The following KLHL32 variants were observed in gnomAD, a reference collection of about 807,000 sequenced individuals.
The protein encoded by KLHL32 is kelch like family member 32.
KLHL32 carries 35 observed loss-of-function variants against 64.8 expected under a neutral mutation model. The ratio of observed to expected loss-of-function variants is 0.54; its 90% CI spans 0.41 to 0.72. KLHL32 has a LOEUF of 0.72. KLHL32 is among the 30% of genes least tolerant of loss of function. The pLI, the probability that KLHL32 is intolerant of heterozygous loss-of-function variation, is 0.00. For missense variants in KLHL32, 589 were observed against 768.5 expected, an observed-to-expected ratio of 0.77 and a Z score of 2.76; for synonymous variants, 259 against 281.0, an observed-to-expected ratio of 0.92 and a Z score of 0.78.
At chr6:96,927,837 A>G (rs1769351141) in intron 1 of KLHL32, among the ~76,000 whole-genome samples, 1 of 152,210 alleles carries the variant, frequency 6.6e-6, no homozygotes, top group East Asian at 1.9e-4. Flanking sequence ...TCTGCCCTCA[A>G]TGATTCAGAG....
chr6:97,103,429 G>A lies in KLHL32; in HGVS notation c.628-10354G>A, dbSNP rs1796001947. On this transcript the variant is annotated intron_variant, in intron 6 of 10. Transcript: ENST00000369261. ...GGGGTTTCACCATGTTAGCCAGGATGGTCTCGATCTCCTGACCTTGTGATC... is the reference window on the plus strand; with the variant it reads ...GGGGTTTCACCATGTTAGCCAGGATAGTCTCGATCTCCTGACCTTGTGATC... 2.6e-5 allele frequency among the ~76,000 whole-genome samples: 4 copies of A among 152,054 alleles called. No homozygotes were observed. In the South Asian group the frequency reaches 8.3e-4, roughly 32 times the overall value.
At chr6:97,061,729 T>TGTG (rs1174233966) in intron 4 of KLHL32, among the ~76,000 whole-genome samples, 4 of 152,210 alleles carry the variant, frequency 2.6e-5, no homozygotes, top group Non-Finnish European at 5.9e-5. Flanking sequence ...TGAGATCCCT[T>TGTG]TTTTTCTGCA....
At chr6:96,965,690 A>G (rs1562197853) in intron 1 of KLHL32, among the ~76,000 whole-genome samples, 1 of 152,198 alleles carries the variant, frequency 6.6e-6, no homozygotes, top group Non-Finnish European at 1.5e-5. Context: ...AGGACACTGT[A>G]GCAACATTAG....
At chr6:96,946,269 G>A (rs1308743660) in intron 1 of KLHL32, among the ~76,000 whole-genome samples, 1 of 151,886 alleles carries the variant, frequency 6.6e-6, no homozygotes, top group African/African-American at 2.4e-5. Context: ...TTCAGTTTCT[G>A]GTAAAAGAAT....
intron 3 of KLHL32, among the ~76,000 whole-genome samples, chr6:96,995,265 AG>A (rs2128069790): frequency 6.6e-6 from 1 of 152,334 alleles, no homozygotes; most frequent in African/African-American, 2.4e-5. Flanking sequence ...AAGGAAGTTC[AG>A]TTAATTGTTA....
intron 3 of KLHL32, among the ~76,000 whole-genome samples, chr6:97,036,970 C>G (rs1784392687): frequency 6.6e-6 from 1 of 152,108 alleles, no homozygotes; most frequent in African/African-American, 2.4e-5. Context: ...CTAAGCTGTA[C>G]TATGTGGAAC....
In KLHL32 at chr6:97,027,161, C is replaced by CAA. The variant is rs59057028; in HGVS notation, c.205-14316_205-14315dup. On this transcript the variant is annotated intron_variant, in intron 3 of 10. Coordinates refer to ENST00000369261, the MANE Select transcript of KLHL32 (RefSeq NM_052904.4). ...TGGGCAACAGAGGGAGATTCCCTCTCAAAAAAAAAAAAAAAAGAAAAAGAA... is the reference window on the plus strand; with the variant it reads ...TGGGCAACAGAGGGAGATTCCCTCTCAAAAAAAAAAAAAAAAAAGAAAAAGAA... Among the ~76,000 whole-genome samples the CAA allele has an allele frequency of 5.2e-3, 573 of 110,670 alleles. 5 individuals are homozygous for CAA. The highest frequency in any genetic ancestry group is 0.017 in the East Asian group (70 of 4,028). 72.6% of individuals were successfully genotyped at this position (110,670 alleles called of 152,430 possible).
intron 7 of KLHL32, among the ~76,000 whole-genome samples, chr6:97,121,753 G>T (rs1228200686): frequency 6.6e-6 from 1 of 152,140 alleles, no homozygotes; most frequent in Non-Finnish European, 1.5e-5. Context: ...GTAAAAGACG[G>T]TAAACTAAAT....
Position 97,113,866 on chromosome 6 carries a change from TG to T in KLHL32, c.712del (p.Val238TrpfsTer83). 1 of 1,614,110 alleles carries T rather than the reference TG, an allele frequency of 6.2e-7. No homozygotes were observed. Among genetic ancestry groups the T allele is most frequent in the Non-Finnish European group, 8.5e-7 (1 of 1,180,030 alleles). ...LQYIRFGLMDVDTLHTVALSH... is the reference protein window; with the variant it reads ...LQYIRFGLMDXDTLHTVALSH... ...AATACATCCGCTTTGGCCTAATGGA[TG>T]TGGATACTCTCCATACAGTTGCCCT... is the stretch of plus-strand genomic sequence containing the variant. On this transcript the variant is annotated frameshift_variant, in exon 7 of 11. Coordinates refer to ENST00000369261, the MANE Select transcript of KLHL32 (RefSeq NM_052904.4). LOFTEE classifies it high-confidence loss of function.
At chr6:96,957,638 G>A (rs913620679) in intron 1 of KLHL32, among the ~76,000 whole-genome samples, 1 of 152,120 alleles carries the variant, frequency 6.6e-6, no homozygotes, top group Non-Finnish European at 1.5e-5. Context: ...TGACAAGACT[G>A]TGTAACTGAT....
At chr6:96,911,692 G>A in the KLHL32 span, among the ~76,000 whole-genome samples, 34 of 152,114 alleles carry the variant, frequency 2.2e-4, no homozygotes, top group African/African-American at 7.9e-4. Context: ...ACAACATAAA[G>A]TTCAAACTGC....
intron 3 of KLHL32, among the ~76,000 whole-genome samples, chr6:97,033,248 A>G (rs1783831093): frequency 6.6e-6 from 1 of 152,096 alleles, no homozygotes; most frequent in Admixed American, 6.5e-5. Context: ...AACCCACCAT[A>G]TGCCTATATA....
intron 5 of KLHL32, among the ~76,000 whole-genome samples, chr6:97,073,979 C>G (rs1791176666): frequency 6.6e-6 from 1 of 152,164 alleles, no homozygotes; most frequent in Non-Finnish European, 1.5e-5. Flanking sequence ...GGCTGCTTGT[C>G]TGTGTCATGG....
chr6:97,105,495 G>A (rs748737385), intron 6 of KLHL32: 4 of 470,922 alleles, frequency 8.5e-6, no homozygotes, highest in Non-Finnish European at 1.8e-5. Context: ...TGGTGCCCTG[G>A]CTTACCTCAA....
At chr6:97,027,496 G>A (rs1782901233) in intron 3 of KLHL32, among the ~76,000 whole-genome samples, 4 of 152,170 alleles carry the variant, frequency 2.6e-5, no homozygotes, top group Non-Finnish European at 2.9e-5. Context: ...GCAGCTTTGA[G>A]GTAGCCACAT....
chr6:97,065,536 C>T (rs1789615185), intron 5 of KLHL32, among the ~76,000 whole-genome samples: 1 of 152,166 alleles, frequency 6.6e-6, no homozygotes, highest in Non-Finnish European at 1.5e-5. Context: ...GTGTTACTAA[C>T]TAATTTGCAA....
At chr6:97,101,831 G>A (rs1021401046) in intron 6 of KLHL32, among the ~76,000 whole-genome samples, 2 of 152,118 alleles carry the variant, frequency 1.3e-5, no homozygotes, top group South Asian at 4.1e-4. Flanking sequence ...ATCAACTATA[G>A]CAATCTCTCA....
intron 3 of KLHL32, among the ~76,000 whole-genome samples, chr6:96,984,583 A>T (rs1173207072): frequency 3.9e-5 from 6 of 152,188 alleles, no homozygotes; most frequent in Non-Finnish European, 2.9e-5. Flanking sequence ...ATATATATTT[A>T]GGATAGTTAG....
intron 3 of KLHL32, among the ~76,000 whole-genome samples, chr6:97,040,682 G>A (rs1766506): frequency 0.17 from 25,987 of 152,028 alleles, 2,573 homozygotes; most frequent in African/African-American, 0.29. Context: ...ATCCCCACCC[G>A]AATCTCATCT....
Sources: gnomAD v4.1 joint callset for allele counts (sites outside exome capture counted in the v4.1 genomes callset) on GRCh38, gnomAD v4.1.1 for gene constraint, MANE v1.5 for transcripts, NCBI Gene and HGNC (gene_info 2026-07-23, HGNC 2026-07-21) for gene names.